SORCS2: variants seen among roughly 807,000 people sequenced by gnomAD.
SORCS2 encodes the protein sortilin related VPS10 domain containing receptor 2, also known as VPS10 domain-containing receptor SorCS2.
SORCS2 carries 100 observed loss-of-function variants against 141.6 expected under a neutral mutation model. The observed-to-expected ratio is 0.71, with a 90% CI of 0.60 to 0.83. The LOEUF is 0.83. Ranked by LOEUF, SORCS2 falls within the 40% of genes least tolerant of loss-of-function variation. SORCS2 has a pLI of 0.00. For synonymous variants in SORCS2, 789 were observed against 676.9 expected, an observed-to-expected ratio of 1.17 and a Z score of -2.57; for missense variants, 1,646 against 1,560.2, an observed-to-expected ratio of 1.05 and a Z score of -0.93.
intron 3 of SORCS2, among the ~76,000 whole-genome samples, chr4:7,562,861 G>A (rs1714698884): frequency 6.6e-6 from 1 of 152,140 alleles, no homozygotes; most frequent in Non-Finnish European, 1.5e-5. Flanking sequence ...GTTTGTCCAA[G>A]TTTCCTGCTT....
At chr4:7,461,773 C>CT (rs1729327594) in intron 2 of SORCS2, among the ~76,000 whole-genome samples, 1 of 152,148 alleles carries the variant, frequency 6.6e-6, no homozygotes, top group South Asian at 2.1e-4. Context: ...CCCTTCTTAG[C>CT]TCCCCAACCC....
chr4:7,580,036 A>G (rs1047759648), intron 3 of SORCS2, among the ~76,000 whole-genome samples: 1 of 152,204 alleles, frequency 6.6e-6, no homozygotes, highest in Non-Finnish European at 1.5e-5. Context: ...TTATGAGGGT[A>G]TATAAATTGT....
rs1336727759 is a variant in SORCS2 at position 7,428,061 on chromosome 4, A to G, written c.548+31706A>G. Among the ~76,000 whole-genome samples the G allele has an allele frequency of 2.6e-5, 4 of 151,844 alleles. No individual in the cohort carries two copies. In the South Asian group the frequency reaches 8.4e-4, roughly 32 times the overall value. Reference sequence around the variant, plus strand: ...CATCTCCCTGAGTTTCCATACCCAGACTCCATCCAGCCGTCATCTGTGGGT... The same window carrying G: ...CATCTCCCTGAGTTTCCATACCCAGGCTCCATCCAGCCGTCATCTGTGGGT... On this transcript the variant is annotated intron_variant, in intron 2 of 26. Coordinates refer to ENST00000507866, the MANE Select transcript of SORCS2 (RefSeq NM_020777.3).
At chr4:7,598,785 A>C (rs1717454621) in intron 3 of SORCS2, among the ~76,000 whole-genome samples, 1 of 152,178 alleles carries the variant, frequency 6.6e-6, no homozygotes, top group Non-Finnish European at 1.5e-5. Context: ...GGCCACCATA[A>C]TCCACACATA....
intron 2 of SORCS2, among the ~76,000 whole-genome samples, chr4:7,527,172 C>T (rs1157492704): frequency 1.3e-5 from 2 of 152,228 alleles, no homozygotes; most frequent in African/African-American, 4.8e-5. Flanking sequence ...TGCTCCCGAA[C>T]CAGCTCCTAC....
At chr4:7,621,585 TTATG>T (rs568164661) in intron 3 of SORCS2, among the ~76,000 whole-genome samples, 8 of 151,846 alleles carry the variant, frequency 5.3e-5, no homozygotes, top group African/African-American at 1.2e-4. Context: ...ATGTGTGTGT[TTATG>T]TGTGTGTCTA....
chr4:7,639,363 C>T (rs1011672299), intron 4 of SORCS2, among the ~76,000 whole-genome samples: 4 of 152,198 alleles, frequency 2.6e-5, no homozygotes, highest in African/African-American at 4.8e-5. Flanking sequence ...ATCTCTGCAC[C>T]TTCAGGCTTC....
chr4:7,720,121 TCA>T (rs750815929), intron 18 of SORCS2, among the ~76,000 whole-genome samples: 2 of 152,188 alleles, frequency 1.3e-5, no homozygotes, highest in Admixed American at 6.5e-5. Flanking sequence ...TTGTACACAC[TCA>T]CACACTGTCT....
intron 1 of SORCS2, among the ~76,000 whole-genome samples, chr4:7,205,127 A>G (rs977127917): frequency 1.4e-4 from 21 of 152,352 alleles, no homozygotes; most frequent in African/African-American, 4.3e-4. Context: ...TTGACCATCA[A>G]ATAGGCCTTC....
At chr4:7,554,820 C>CA (rs752173167) in intron 3 of SORCS2, among the ~76,000 whole-genome samples, 9 of 152,132 alleles carry the variant, frequency 5.9e-5, no homozygotes, top group Non-Finnish European at 2.9e-5. Flanking sequence ...GGAAGGGGTG[C>CA]ACACAGGACC....
chr4:7,591,567 G>A (rs747272530), intron 3 of SORCS2, among the ~76,000 whole-genome samples: 27 of 152,220 alleles, frequency 1.8e-4, no homozygotes, highest in Non-Finnish European at 3.1e-4. Flanking sequence ...TCTCCCGGGT[G>A]GTCACGGGGT....
In SORCS2 at chr4:7,742,731, T is replaced by C. The variant is rs1712765052; in HGVS notation, c.*2467T>C. On this transcript the variant is annotated 3_prime_UTR_variant, in exon 27 of 27. Transcript: ENST00000507866. The stretch of plus-strand genomic sequence containing the variant: ...ACGAGGCCATCAGCTGCCATGCACA[T>C]AACAAAGAGACAATGCATTCCTTCT... 6.6e-6 allele frequency: 1 copy of C among 152,406 alleles called. No homozygotes were observed. The highest frequency in any genetic ancestry group is 6.5e-5 in the Admixed American group (1 of 15,280). The allele number at this position is 152,406 out of a possible 1,614,324, so 9.4% of individuals were successfully genotyped here. A position where few individuals can be genotyped will look rare whatever the true frequency, so the allele number is the denominator to read the frequency against.
chr4:7,261,043 C>A (rs1212212129), intron 1 of SORCS2, among the ~76,000 whole-genome samples: 2 of 152,174 alleles, frequency 1.3e-5, no homozygotes, highest in Non-Finnish European at 2.9e-5. Flanking sequence ...TTGGGAAAAG[C>A]CATCTCAGAG....
chr4:7,247,007 T>C (rs1173777909), intron 1 of SORCS2, among the ~76,000 whole-genome samples: 3 of 152,194 alleles, frequency 2.0e-5, no homozygotes, highest in African/African-American at 7.2e-5. Context: ...CCTGGCCCTC[T>C]GTGCCTTTAC....
At chr4:7,428,802 G>A (rs957921457) in intron 2 of SORCS2, among the ~76,000 whole-genome samples, 1 of 152,134 alleles carries the variant, frequency 6.6e-6, no homozygotes, top group African/African-American at 2.4e-5. Context: ...GCTTTTACTG[G>A]GAGTGAGGAG....
chr4:7,495,806 C>T (rs1034779563), intron 2 of SORCS2, among the ~76,000 whole-genome samples: 94 of 152,322 alleles, frequency 6.2e-4, no homozygotes, highest in African/African-American at 2.2e-3. Context: ...GTCTGAGCTG[C>T]GTGGTGACCC....
At chr4:7,539,132 T>G (rs1345414519) in intron 3 of SORCS2, among the ~76,000 whole-genome samples, 1 of 152,122 alleles carries the variant, frequency 6.6e-6, no homozygotes, top group Non-Finnish European at 1.5e-5. Context: ...GCCCCATCAG[T>G]GCTGCCCTGT....
intron 3 of SORCS2, among the ~76,000 whole-genome samples, chr4:7,632,492 G>A (rs1013927436): frequency 5.3e-5 from 8 of 152,174 alleles, no homozygotes; most frequent in East Asian, 1.9e-4. Flanking sequence ...CCTCTCCCCC[G>A]TCTTTCCTGG....
chr4:7,259,625 A>G (rs889778272), intron 1 of SORCS2, among the ~76,000 whole-genome samples: 1 of 152,070 alleles, frequency 6.6e-6, no homozygotes, highest in Non-Finnish European at 1.5e-5. Flanking sequence ...CCTTTGATGT[A>G]GCAGTACCCG....
Sources: allele counts gnomAD v4.1 joint callset (sites outside exome capture counted in the v4.1 genomes callset), GRCh38; gene constraint gnomAD v4.1.1; transcripts MANE v1.5; gene names NCBI Gene and HGNC (gene_info 2026-07-23, HGNC 2026-07-21).